Variants in PDGFRL observed in about 807,000 individuals in gnomAD.
PDGFRL encodes the protein platelet derived growth factor receptor like.
In PDGFRL, 46 loss-of-function variants were observed where a neutral mutation model predicts 37.2. The ratio of observed to expected loss-of-function variants is 1.24; its 90% CI spans 0.98 to 1.58. The LOEUF (loss-of-function observed/expected upper bound fraction) is 1.58, where lower values mean the gene tolerates loss of function less well. Ranked by LOEUF, PDGFRL falls within the 40% of genes most tolerant of loss-of-function variation. The probability of loss-of-function intolerance (pLI) is 0.00; values close to 1 mark genes in which losing one functional copy is unlikely to be tolerated. For missense variants in PDGFRL, 692 were observed against 467.6 expected, an observed-to-expected ratio of 1.48 and a Z score of -4.43; for synonymous variants, 251 against 184.3, an observed-to-expected ratio of 1.36 and a Z score of -2.93.
intron 2 of PDGFRL, among the ~76,000 whole-genome samples, chr8:17,609,459 A>G (rs1326700879): frequency 6.6e-6 from 1 of 151,220 alleles, no homozygotes; most frequent in Non-Finnish European, 1.5e-5. Context: ...TGGGCGACAG[A>G]GCGAGACTCT....
intron 2 of PDGFRL, among the ~76,000 whole-genome samples, chr8:17,618,326 G>T (rs1460648935): frequency 6.6e-6 from 1 of 152,156 alleles, no homozygotes; most frequent in Admixed American, 6.5e-5. Context: ...AAAGTGTTGG[G>T]ATTATAGGCA....
At chr8:17,614,759 TG>T (rs1804490257) in intron 2 of PDGFRL, among the ~76,000 whole-genome samples, 2 of 152,178 alleles carry the variant, frequency 1.3e-5, no homozygotes, top group East Asian at 1.9e-4. Context: ...TTAACATTTT[TG>T]TAGAGATGGG....
chr8:17,635,818 T>C (rs1804960649), intron 5 of PDGFRL, among the ~76,000 whole-genome samples: 1 of 152,216 alleles, frequency 6.6e-6, no homozygotes, highest in Admixed American at 6.5e-5. Flanking sequence ...TGGCCATTCT[T>C]GCAGGAGTAA....
chr8:17,592,653 A>C, intron 2 of PDGFRL, among the ~76,000 whole-genome samples: 1 of 151,608 alleles, frequency 6.6e-6, no homozygotes. Context: ...AGCCAGGAAC[A>C]CTCTTGGGCC....
intron 3 of PDGFRL, 137 bp from the exon 4 acceptor site, chr8:17,628,350 A>G: frequency 1.5e-6 from 1 of 661,684 alleles, no homozygotes; most frequent in Non-Finnish European, 2.7e-6. Flanking sequence ...AATGAAAAGC[A>G]TTAAAGTAAA....
intron 2 of PDGFRL, among the ~76,000 whole-genome samples, chr8:17,597,179 C>T (rs1158971652): frequency 1.3e-5 from 2 of 152,282 alleles, no homozygotes; most frequent in African/African-American, 2.4e-5. Context: ...TGCCGCCACA[C>T]CTGGCTAATT....
chr8:17,576,769 ATG>A, upstream of PDGFRL: 1 of 774,194 alleles, frequency 1.3e-6, no homozygotes, highest in Non-Finnish European at 1.6e-6. Context: ...GAGTGAGTGC[ATG>A]TGGGGGAGAG....
intron 2 of PDGFRL, among the ~76,000 whole-genome samples, chr8:17,618,268 C>G (rs1804567563): frequency 2.0e-5 from 3 of 152,112 alleles, no homozygotes; most frequent in Admixed American, 2.0e-4. Flanking sequence ...GTTGCCCAAT[C>G]TGGTCATGAA....
rs975640851 is a variant in PDGFRL, at chr8:17,627,893, A to C, written c.506-594A>C. ...TTAACTTGTTAAAGGTTAATATGTT[A>C]AATCTTAATTTAAATCTTGTTCCTT... is the stretch of plus-strand genomic sequence containing the variant. On this transcript the variant is annotated intron_variant, in intron 3 of 5. Transcript: ENST00000251630. Among the ~76,000 whole-genome samples the C allele has an allele frequency of 2.6e-5, 4 of 151,940 alleles. No homozygotes were observed. In the South Asian group the frequency reaches 8.3e-4, roughly 32 times the overall value.
intron 1 of PDGFRL, among the ~76,000 whole-genome samples, chr8:17,581,659 C>G (rs1380101533): frequency 6.6e-6 from 1 of 152,032 alleles, no homozygotes; most frequent in South Asian, 2.1e-4. Context: ...TAAAGAGAGT[C>G]TGGTCCCTCC....
chr8:17,592,096 C>G (rs1803952926), intron 2 of PDGFRL, among the ~76,000 whole-genome samples: 1 of 152,188 alleles, frequency 6.6e-6, no homozygotes, highest in South Asian at 2.1e-4. Flanking sequence ...CTCCCTCTCC[C>G]CCACACTCTC....
chr8:17,579,416 A>C (rs563283676), intron 1 of PDGFRL, among the ~76,000 whole-genome samples: 1 of 152,232 alleles, frequency 6.6e-6, no homozygotes, highest in African/African-American at 2.4e-5. Flanking sequence ...TCAGATTGGC[A>C]GGTTGGGAAT....
intron 3 of PDGFRL, among the ~76,000 whole-genome samples, chr8:17,628,094 C>T (rs1431512290): frequency 2.7e-5 from 4 of 147,770 alleles, no homozygotes; most frequent in African/African-American, 1.0e-4. Context: ...CCCGGGTTCA[C>T]GCCATTTTCC....
intron 2 of PDGFRL, among the ~76,000 whole-genome samples, chr8:17,591,406 A>G (rs1803937085): frequency 6.6e-6 from 1 of 152,158 alleles, no homozygotes; most frequent in South Asian, 2.1e-4. Context: ...GCTCTGCGTC[A>G]GGGGGTGTGT....
chr8:17,616,894 G>A (rs575054049), intron 2 of PDGFRL, among the ~76,000 whole-genome samples: 8 of 152,186 alleles, frequency 5.3e-5, no homozygotes, highest in Admixed American at 2.0e-4. Context: ...AGTCTTCACC[G>A]GGGCAGACAG....
chr8:17,641,226 A>G (rs1442491954), intron 5 of PDGFRL, among the ~76,000 whole-genome samples: 4 of 152,198 alleles, frequency 2.6e-5, no homozygotes, highest in East Asian at 1.9e-4. Flanking sequence ...CAGGGTTTTC[A>G]GATTTCACAT....
chr8:17,631,572 C>G (rs1418778091), intron 4 of PDGFRL, among the ~76,000 whole-genome samples: 1 of 152,056 alleles, frequency 6.6e-6, no homozygotes, highest in Non-Finnish European at 1.5e-5. Context: ...GAACCAAGTC[C>G]CTGAATGAAA....
Position 17,638,786 on chromosome 8 carries a change from T to TATAA in PDGFRL, c.940-3826_940-3825insTAAA, listed in dbSNP as rs751775328. Among the ~76,000 whole-genome samples the TATAA allele has an allele frequency of 3.5e-3, 359 of 102,810 alleles. 19 individuals are homozygous for TATAA. The highest frequency in any genetic ancestry group is 3.8e-3 in the South Asian group (11 of 2,924). The allele number at this position is 102,810 out of a possible 152,430, so 67.4% of individuals were successfully genotyped here. A position where few individuals can be genotyped will look rare whatever the true frequency, so the allele number is the denominator to read the frequency against. On this transcript the variant is annotated intron_variant, in intron 5 of 5. Coordinates refer to ENST00000251630, the MANE Select transcript of PDGFRL (RefSeq NM_001372073.1). The stretch of plus-strand genomic sequence containing the variant: ...ATATATATATATATATATATATATA[T>TATAA]AATTGTGATATTTTCCTGTTGGGCA...
chr8:17,592,023 C>A, intron 2 of PDGFRL, among the ~76,000 whole-genome samples: 1 of 152,192 alleles, frequency 6.6e-6, no homozygotes, highest in East Asian at 1.9e-4. Context: ...AAATTCATCT[C>A]CCTCAAGGAC....
Sources: allele counts gnomAD v4.1 joint callset (sites outside exome capture counted in the v4.1 genomes callset), GRCh38; gene constraint gnomAD v4.1.1; transcripts MANE v1.5; gene names NCBI Gene and HGNC (gene_info 2026-07-23, HGNC 2026-07-21).